Variants in PATJ observed in about 807,000 individuals in gnomAD.
The protein encoded by PATJ is inaD-like protein.
A neutral mutation model predicts 224.9 loss-of-function variants in PATJ; 190 were observed. The ratio of observed to expected loss-of-function variants is 0.84; its 90% CI spans 0.75 to 0.95. The LOEUF (loss-of-function observed/expected upper bound fraction) is 0.95, where lower values mean the gene tolerates loss of function less well. Among genes scored for constraint, PATJ ranks in the 40% least tolerant of loss-of-function variants. The probability of loss-of-function intolerance (pLI) is 0.00; values close to 1 mark genes in which losing one functional copy is unlikely to be tolerated. For synonymous variants in PATJ, 769 were observed against 820.3 expected, an observed-to-expected ratio of 0.94 and a Z score of 1.07; for missense variants, 2,121 against 2,270.3, an observed-to-expected ratio of 0.93 and a Z score of 1.34.
chr1:62,023,245 G>A (rs969166764), intron 29 of PATJ, among the ~76,000 whole-genome samples: 7 of 149,682 alleles, frequency 4.7e-5, no homozygotes, highest in Non-Finnish European at 7.4e-5. Context: ...AGCCGAGATC[G>A]CGCCATTGCA....
chr1:61,882,438 T>A (rs1355163015), intron 21 of PATJ, among the ~76,000 whole-genome samples: 2 of 152,148 alleles, frequency 1.3e-5, no homozygotes, highest in African/African-American at 4.8e-5. Context: ...AAACAAAAAG[T>A]AGAAATAAGA....
In PATJ at chr1:61,899,725, G is replaced by A. The variant is rs1429273910; in HGVS notation, c.3203+71G>A. On this transcript the variant is annotated intron_variant, in intron 23 of 43. Coordinates refer to ENST00000642238, the MANE Select transcript of PATJ (RefSeq NM_001350145.3). ...AGTTGCTCTTTTCTTTAACTTAACAGAACATTATTTAGTCCTACTCTAATG... is the reference window on the plus strand; with the variant it reads ...AGTTGCTCTTTTCTTTAACTTAACAAAACATTATTTAGTCCTACTCTAATG... The A allele has an allele frequency of 3.9e-6, 4 of 1,027,456 alleles. No homozygotes were observed. The African/African-American group carries it at 5.0e-5, about 13-fold the overall frequency. The allele number at this position is 1,027,456 out of a possible 1,614,324, so 63.6% of individuals were successfully genotyped here.
At chr1:62,106,581 A>G (rs1385026951) in intron 33 of PATJ, among the ~76,000 whole-genome samples, 1 of 152,012 alleles carries the variant, frequency 6.6e-6, no homozygotes, top group East Asian at 1.9e-4. Context: ...AGAAATATTC[A>G]TTTCTTTACT....
chr1:62,006,964 G>A (rs1296227121), intron 28 of PATJ, among the ~76,000 whole-genome samples: 1 of 152,118 alleles, frequency 6.6e-6, no homozygotes, highest in Non-Finnish European at 1.5e-5. Flanking sequence ...GCATGTTACT[G>A]TACTGAATAC....
At chr1:61,854,258 C>T (rs912208286) in intron 17 of PATJ, among the ~76,000 whole-genome samples, 3 of 152,148 alleles carry the variant, frequency 2.0e-5, no homozygotes, top group African/African-American at 7.2e-5. Flanking sequence ...TTAAGAGAGG[C>T]TAGAGTAGTA....
chr1:62,008,296 G>A lies in PATJ; in HGVS notation c.3868-9560G>A, dbSNP rs189912958. Among the ~76,000 whole-genome samples, 20 of 152,266 alleles carry A rather than the reference G, an allele frequency of 1.3e-4. No individual in the cohort carries two copies. The East Asian group carries it at 3.9e-3, about 29-fold the overall frequency. Reference sequence around the variant, plus strand: ...TTTGAAGGACAGTCCCTTACAAAGAGAAGCAGTTGTGTGCTGGCAAAGATC... The same window carrying A: ...TTTGAAGGACAGTCCCTTACAAAGAAAAGCAGTTGTGTGCTGGCAAAGATC... On this transcript the variant is annotated intron_variant, in intron 28 of 43. Coordinates refer to ENST00000642238, the MANE Select transcript of PATJ (RefSeq NM_001350145.3).
intron 17 of PATJ, among the ~76,000 whole-genome samples, chr1:61,848,618 A>T (rs1662339875): frequency 6.6e-6 from 1 of 151,898 alleles, no homozygotes; most frequent in Non-Finnish European, 1.5e-5. Context: ...GTCTCACTGT[A>T]TTGCCCAGGG....
chr1:61,988,346 T>C (rs1644878296), intron 27 of PATJ, among the ~76,000 whole-genome samples: 1 of 152,248 alleles, frequency 6.6e-6, no homozygotes, highest in African/African-American at 2.4e-5. Flanking sequence ...ATTGTAGTTG[T>C]TGAATATTTG....
chr1:61,954,189 C>G (rs1680105513), intron 27 of PATJ, among the ~76,000 whole-genome samples: 1 of 152,226 alleles, frequency 6.6e-6, no homozygotes, highest in South Asian at 2.1e-4. Flanking sequence ...ACACATTTAA[C>G]TCCAAAGTAT....
At chr1:61,951,739 C>T (rs1309710369) in intron 27 of PATJ, among the ~76,000 whole-genome samples, 3 of 152,030 alleles carry the variant, frequency 2.0e-5, no homozygotes, top group Non-Finnish European at 4.4e-5. Context: ...AAATGAATCT[C>T]GCTAGGGGAG....
chr1:61,824,482 G>A (rs1657880198), intron 15 of PATJ, among the ~76,000 whole-genome samples: 1 of 147,734 alleles, frequency 6.8e-6, no homozygotes, highest in African/African-American at 2.5e-5. Context: ...CTGGAGTGCA[G>A]TGGTGTGGTC....
chr1:61,999,095 TA>T (rs58825900), intron 28 of PATJ, among the ~76,000 whole-genome samples: 5,645 of 149,976 alleles, frequency 0.038, 248 homozygotes, highest in African/African-American at 0.1. Context: ...AGAAATCTGT[TA>T]AAAAAAAAAT....
intron 27 of PATJ, among the ~76,000 whole-genome samples, chr1:61,938,137 T>C (rs557244136): frequency 9.2e-5 from 14 of 152,276 alleles, no homozygotes; most frequent in African/African-American, 3.4e-4. Context: ...CCAGGCCTTT[T>C]CCCACTAGAT....
chr1:62,132,374 T>C (rs1167554962), intron 41 of PATJ, among the ~76,000 whole-genome samples: 3 of 152,200 alleles, frequency 2.0e-5, no homozygotes, highest in African/African-American at 4.8e-5. Context: ...GGTGCACCTC[T>C]GTAATCCTGG....
intron 42 of PATJ, among the ~76,000 whole-genome samples, chr1:62,151,614 G>A (rs1158679323): frequency 2.0e-5 from 3 of 152,090 alleles, no homozygotes; most frequent in Non-Finnish European, 4.4e-5. Flanking sequence ...AATAAACCCA[G>A]CAAAATTGAG....
intron 40 of PATJ, 153 bp downstream of exon 40, chr1:62,128,247 G>C (rs1665928291): frequency 3.0e-6 from 2 of 661,286 alleles, no homozygotes; most frequent in Admixed American, 6.0e-5. Flanking sequence ...GATACCTTTA[G>C]AAATTCATTA....
intron 8 of PATJ, among the ~76,000 whole-genome samples, chr1:61,790,899 A>G (rs1037666708): frequency 6.6e-6 from 1 of 152,124 alleles, no homozygotes; most frequent in African/African-American, 2.4e-5. Context: ...GCCCATACCC[A>G]GTCTCATTCA....
chr1:61,989,276 G>A (rs1644933780), intron 27 of PATJ, among the ~76,000 whole-genome samples: 1 of 152,144 alleles, frequency 6.6e-6, no homozygotes, highest in Non-Finnish European at 1.5e-5. Flanking sequence ...CATGTATGTT[G>A]TTTAATTTTC....
chr1:61,927,579 A>G, intron 26 of PATJ, 151 bp from the exon 27 acceptor site: 1 of 561,164 alleles, frequency 1.8e-6, no homozygotes, highest in Non-Finnish European at 3.1e-6. Context: ...GCCTAAAATA[A>G]TACATTGTGT....
Sources: allele counts gnomAD v4.1 joint callset (sites outside exome capture counted in the v4.1 genomes callset), GRCh38; gene constraint gnomAD v4.1.1; transcripts MANE v1.5; gene names NCBI Gene and HGNC (gene_info 2026-07-23, HGNC 2026-07-21).